PLXDC1: variants seen among roughly 807,000 people sequenced by gnomAD.
The protein encoded by PLXDC1 is plexin domain containing 1.
In PLXDC1, 39 loss-of-function variants were observed where a neutral mutation model predicts 61.3. The observed-to-expected ratio is 0.64, with a 90% CI of 0.49 to 0.83. The LOEUF (loss-of-function observed/expected upper bound fraction) is 0.83. Ranked by LOEUF, PLXDC1 falls within the 40% of genes least tolerant of loss-of-function variation. The probability of loss-of-function intolerance (pLI) is 0.00; values close to 1 mark genes in which losing one functional copy is unlikely to be tolerated. For synonymous variants in PLXDC1, 212 were observed against 254.5 expected (o/e 0.83, Z 1.59); for missense variants, 596 against 666.5 (o/e 0.89, Z 1.17).
chr17:39,109,582 C>T (rs1910723999), intron 2 of PLXDC1, among the ~76,000 whole-genome samples, 191 bp from the exon 3 acceptor site: 1 of 152,194 alleles, frequency 6.6e-6, no homozygotes, highest in Non-Finnish European at 1.5e-5. Flanking sequence ...AGACAGCTCA[C>T]TAGCTGGCCC....
Position 39,151,153 on chromosome 17 carries a change from C to T in PLXDC1, c.76+209G>A, listed in dbSNP as rs536503563. On this transcript the variant is annotated intron_variant, in intron 1 of 13. Coordinates refer to ENST00000315392, the MANE Select transcript of PLXDC1 (RefSeq NM_020405.5). This position sits in a 1 kb window ranked among gnomAD's most constrained non-coding sequence, Gnocchi z 5.2. ...AGGAGAGAAGGAGAGGTCCGGGCAT[C>T]GGTGTCTCCACCGTCACTCACACAC... 1.2e-4 allele frequency among the ~76,000 whole-genome samples: 18 copies of T among 152,302 alleles called. No homozygotes were observed. The highest frequency in any genetic ancestry group is 4.1e-4 in the African/African-American group (17 of 41,556).
intron 1 of PLXDC1, among the ~76,000 whole-genome samples, chr17:39,143,153 A>G (rs1911990741): frequency 6.6e-6 from 1 of 152,172 alleles, no homozygotes; most frequent in Non-Finnish European, 1.5e-5. Flanking sequence ...AAATAAATAA[A>G]CAACACAAAA....
intron 7 of PLXDC1, among the ~76,000 whole-genome samples, chr17:39,095,002 ACT>A (rs1461493531): frequency 6.6e-6 from 1 of 152,080 alleles, no homozygotes; most frequent in East Asian, 1.9e-4. Context: ...ACAGATAGAG[ACT>A]CAGACTTTTC....
chr17:39,077,808 A>G, intron 11 of PLXDC1, 105 bp downstream of exon 11: 2 of 1,092,590 alleles, frequency 1.8e-6, no homozygotes, highest in Non-Finnish European at 2.7e-6. Flanking sequence ...GGCAGTTCCC[A>G]TCCCATGAGA....
At chr17:39,078,880 G>C (rs1343080567) in intron 10 of PLXDC1, among the ~76,000 whole-genome samples, 3 of 152,214 alleles carry the variant, frequency 2.0e-5, no homozygotes, top group African/African-American at 7.2e-5. Context: ...TAAGGTCAAG[G>C]CATCAGAATG....
chr17:39,071,041 G>A (rs1909096877), intron 12 of PLXDC1, among the ~76,000 whole-genome samples: 1 of 152,200 alleles, frequency 6.6e-6, no homozygotes, highest in Non-Finnish European at 1.5e-5. Context: ...TCTATGGGAT[G>A]ATCTAGGTCC....
Position 39,090,646 on chromosome 17 carries a change from G to A in PLXDC1, c.812-2944C>T, listed in dbSNP as rs537504371. The stretch of plus-strand genomic sequence containing the variant: ...TGCCATGCAAATGGTGTTGTCCTGA[G>A]AATTAAGGGAGACACTCAACGCACA... On this transcript the variant is annotated intron_variant, in intron 7 of 13. Coordinates refer to ENST00000315392, the MANE Select transcript of PLXDC1 (RefSeq NM_020405.5). Among the ~76,000 whole-genome samples the A allele has an allele frequency of 3.3e-5, 5 of 152,284 alleles. No homozygotes were observed. In the South Asian group the frequency reaches 1.0e-3, roughly 32 times the overall value.
At chr17:39,094,914 C>T (rs920595507) in intron 7 of PLXDC1, among the ~76,000 whole-genome samples, 1 of 152,190 alleles carries the variant, frequency 6.6e-6, no homozygotes, top group Non-Finnish European at 1.5e-5. Flanking sequence ...ATTTCTCCAC[C>T]TGCAAGGCTG....
chr17:39,076,962 T>G (rs1188227219), intron 11 of PLXDC1, among the ~76,000 whole-genome samples: 3 of 152,166 alleles, frequency 2.0e-5, no homozygotes, highest in African/African-American at 7.2e-5. Context: ...CTCGAACTCC[T>G]GACCTCGTGA....
At chr17:39,090,040 A>G (rs1909889753) in intron 7 of PLXDC1, among the ~76,000 whole-genome samples, 1 of 152,020 alleles carries the variant, frequency 6.6e-6, no homozygotes, top group Non-Finnish European at 1.5e-5. Flanking sequence ...CTCAGGTGAT[A>G]TGCCTGCCTG....
intron 7 of PLXDC1, among the ~76,000 whole-genome samples, chr17:39,105,483 CTA>C (rs1910560178): frequency 6.6e-6 from 1 of 152,098 alleles, no homozygotes; most frequent in Non-Finnish European, 1.5e-5. Flanking sequence ...TCCTGGCATC[CTA>C]TGATGCTCCC....
intron 7 of PLXDC1, among the ~76,000 whole-genome samples, chr17:39,091,333 A>G (rs903472765): frequency 6.6e-6 from 1 of 152,050 alleles, no homozygotes; most frequent in African/African-American, 2.4e-5. Context: ...ACTGACTCCC[A>G]TGGGGAGAGG....
chr17:39,139,400 C>T (rs559782624), intron 2 of PLXDC1, among the ~76,000 whole-genome samples: 7 of 152,320 alleles, frequency 4.6e-5, no homozygotes, highest in Non-Finnish European at 8.8e-5. Context: ...GCTGTGCATC[C>T]TGATACAATC....
At chr17:39,121,244 A>C (rs1260042633) in intron 2 of PLXDC1, among the ~76,000 whole-genome samples, 1 of 152,226 alleles carries the variant, frequency 6.6e-6, no homozygotes, top group African/African-American at 2.4e-5. Flanking sequence ...ACTTCAAGAT[A>C]GCTCACCTTT....
Position 39,067,764 on chromosome 17 carries a change from G to A in PLXDC1, c.*76C>T, listed in dbSNP as rs1748763366. 1 of 1,440,942 alleles carries A rather than the reference G, an allele frequency of 6.9e-7. No individual in the cohort carries two copies. The highest frequency in any genetic ancestry group is 1.4e-5 in the African/African-American group (1 of 71,502). 89.3% of individuals were successfully genotyped at this position (1,440,942 alleles called of 1,614,324 possible). The stretch of plus-strand genomic sequence containing the variant: ...CCCAGGGCATGCTGGGAGAGGCCAG[G>A]AAAAGTCACTTCTCTTCTTTGCTTT... On this transcript the variant is annotated 3_prime_UTR_variant, in exon 14 of 14. Transcript: ENST00000315392.
In PLXDC1 at chr17:39,107,497, G is replaced by A. The variant is rs753219864; in HGVS notation, c.621C>T (p.His207=). The change falls in exon 6 of 14, where the codon CAC becomes CAT. Residue 207 remains histidine, a synonymous_variant. Transcript: ENST00000315392. ...NGTVFVVQWD[H]VYLQGWEDKG... Reference sequence around the variant, plus strand: ...TGTCTTCCCAGCCTTGGAGATAAACGTGGTCCCACTGAACCACAAAGACTG... The same window carrying A: ...TGTCTTCCCAGCCTTGGAGATAAACATGGTCCCACTGAACCACAAAGACTG... 1.1e-5 allele frequency: 17 copies of A among 1,613,838 alleles called. No homozygotes were observed. Among genetic ancestry groups the A allele is most frequent in the African/African-American group, 5.3e-5 (4 of 75,020 alleles).
chr17:39,101,114 G>A (rs1411744637), intron 7 of PLXDC1, among the ~76,000 whole-genome samples: 3 of 152,200 alleles, frequency 2.0e-5, no homozygotes, highest in East Asian at 1.9e-4. Flanking sequence ...TTCTGCTGTC[G>A]CCGCTTGTGT....
intron 6 of PLXDC1, 63 bp downstream of exon 6, chr17:39,107,344 A>G: frequency 1.0e-6 from 1 of 983,458 alleles, no homozygotes; most frequent in Non-Finnish European, 1.5e-6. Context: ...CAAATTCTCT[A>G]AATATTTGCT....
At chr17:39,094,776 C>T (rs533367186) in intron 7 of PLXDC1, among the ~76,000 whole-genome samples, 2 of 152,300 alleles carry the variant, frequency 1.3e-5, no homozygotes, top group African/African-American at 2.4e-5. Context: ...AAAGGAAGCA[C>T]GCCCTCCCTC....
Sources: allele counts gnomAD v4.1 joint callset (sites outside exome capture counted in the v4.1 genomes callset), GRCh38; gene constraint gnomAD v4.1.1; non-coding constraint Gnocchi (gnomAD v3.1); transcripts MANE v1.5; gene names NCBI Gene and HGNC (gene_info 2026-07-23, HGNC 2026-07-21).